The following ITIH5 variants were observed in gnomAD, a reference collection of about 807,000 sequenced individuals.
ITIH5 encodes inter-alpha-trypsin inhibitor heavy chain H5.
A neutral mutation model predicts 77.5 loss-of-function variants in ITIH5; 65 were observed. The ratio of observed to expected loss-of-function variants is 0.84; its 90% confidence interval spans 0.69 to 1.03. The LOEUF (loss-of-function observed/expected upper bound fraction) is 1.03. Ranked by LOEUF, ITIH5 falls within the 50% of genes least tolerant of loss-of-function variation. The probability of loss-of-function intolerance (pLI) is 0.00; values close to 1 mark genes in which losing one functional copy is unlikely to be tolerated. For synonymous variants in ITIH5, 525 were observed against 494.3 expected, an observed-to-expected ratio of 1.06 and a Z score of -0.82; for missense variants, 1,208 against 1,213.1, an observed-to-expected ratio of 1.00 and a Z score of 0.06.
chr10:7,648,882 T>C (rs186286048), intron 2 of ITIH5, among the ~76,000 whole-genome samples: 1 of 152,326 alleles, frequency 6.6e-6, no homozygotes, highest in Admixed American at 6.5e-5. Context: ...ATATGAAGCT[T>C]AGTTTATGGG....
chr10:7,572,480 T>A, intron 11 of ITIH5: 1 of 1,292,514 alleles, frequency 7.7e-7, no homozygotes, highest in Non-Finnish European at 1.0e-6. Context: ...ATGTTTATGA[T>A]AGCAGAGGCT....
intron 1 of ITIH5, among the ~76,000 whole-genome samples, chr10:7,658,342 A>T (rs541961953): frequency 1.2e-4 from 18 of 152,336 alleles, no homozygotes; most frequent in South Asian, 8.3e-4. Flanking sequence ...TTGCCATTCT[A>T]AGCCATTATA....
At position 7,630,051 on chromosome 10, in the gene ITIH5, A is replaced by C. The variant is rs75074640; in HGVS notation, c.652+7177T>G. On this transcript the variant is annotated intron_variant, in intron 5 of 13. Coordinates refer to ENST00000397146, the MANE Select transcript of ITIH5 (RefSeq NM_030569.7). ...AACTTAAACGTCTATAAGTAATTTA[A>C]AAATTTTAGTTATTTGTAAAGTTAA... Among the ~76,000 whole-genome samples the C allele has an allele frequency of 1.9e-3, 287 of 152,338 alleles. 6 individuals carry two copies. The East Asian group carries it at 0.054, about 29-fold the overall frequency.
rs1564273460 is a variant in ITIH5, at chr10:7,637,219, A to G, written c.652+9T>C. 1 of 1,604,072 alleles carries G rather than the reference A, an allele frequency of 6.2e-7. No individual in the cohort carries two copies. Among genetic ancestry groups the G allele is most frequent in the Middle Eastern group, 1.7e-4 (1 of 5,934 alleles). ...ACAGATCTGCACGAACCCAGCACGCAGGACTCACCTTCCCCGCGCCCACTG... is the reference window on the plus strand; with the variant it reads ...ACAGATCTGCACGAACCCAGCACGCGGGACTCACCTTCCCCGCGCCCACTG... On this transcript the variant is annotated intron_variant, in intron 5 of 13. Transcript: ENST00000397146.
intron 7 of ITIH5, among the ~76,000 whole-genome samples, chr10:7,615,721 CACTT>C (rs1833349950): frequency 6.6e-6 from 1 of 152,220 alleles, no homozygotes; most frequent in Admixed American, 6.5e-5. Flanking sequence ...ATTCCTGTCT[CACTT>C]ACATTATCCA....
chr10:7,643,983 G>A (rs1833928148), intron 2 of ITIH5, among the ~76,000 whole-genome samples: 2 of 152,216 alleles, frequency 1.3e-5, no homozygotes, highest in South Asian at 4.1e-4. Context: ...GCTCACACCT[G>A]TAGTCCCAGC....
intron 5 of ITIH5, among the ~76,000 whole-genome samples, chr10:7,633,891 C>T (rs1318285850): frequency 6.6e-6 from 1 of 151,770 alleles, no homozygotes; most frequent in Non-Finnish European, 1.5e-5. Flanking sequence ...AGATCGAGAC[C>T]ATCCTGGCTA....
chr10:7,666,722 C>A, intron 1 of ITIH5, 81 bp downstream of exon 1: 1 of 1,166,814 alleles, frequency 8.6e-7, no homozygotes, highest in Middle Eastern at 2.7e-4. Flanking sequence ...GAAGGGGGCC[C>A]GGGCAGAAGC....
rs191309405 is a variant in ITIH5 at position 7,600,715 on chromosome 10, C to T, written c.940-14646G>A. The stretch of plus-strand genomic sequence containing the variant: ...AAATTCAAAGGTTGAAATCCTAACA[C>T]CCAAGGTGATGGTCCCAGGAGATGG... On this transcript the variant is annotated intron_variant, in intron 7 of 13. Transcript: ENST00000397146. 976 of 391,922 alleles carry T rather than the reference C, an allele frequency of 2.5e-3. 4 individuals are homozygous for T. The highest frequency in any genetic ancestry group is 3.8e-3 in the Non-Finnish European group (749 of 197,036). The allele number at this position is 391,922 out of a possible 1,614,324, so 24.3% of individuals were successfully genotyped here. A position where few individuals can be genotyped will look rare whatever the true frequency, so the allele number is the denominator to read the frequency against.
At chr10:7,626,135 G>C (rs1171111625) in intron 5 of ITIH5, among the ~76,000 whole-genome samples, 1 of 152,184 alleles carries the variant, frequency 6.6e-6, no homozygotes, top group Non-Finnish European at 1.5e-5. Context: ...GCCCACCTCT[G>C]GTTCAGCCAC....
chr10:7,605,197 C>T (rs1588393058), intron 7 of ITIH5, among the ~76,000 whole-genome samples: 1 of 151,750 alleles, frequency 6.6e-6, no homozygotes, highest in African/African-American at 2.4e-5. Context: ...TTTAGAGACA[C>T]GCTTTCTCCT....
intron 7 of ITIH5, 48 bp from the exon 8 acceptor site, chr10:7,586,117 C>T: frequency 6.5e-7 from 1 of 1,532,168 alleles, no homozygotes; most frequent in Non-Finnish European, 8.8e-7. Flanking sequence ...CACATAAGTC[C>T]ACTTGTCCCC....
At chr10:7,595,965 G>A (rs576042766) in intron 7 of ITIH5, among the ~76,000 whole-genome samples, 116 of 152,252 alleles carry the variant, frequency 7.6e-4, no homozygotes, top group African/African-American at 2.6e-3. Context: ...CCGAGATCAC[G>A]CCACTGCATT....
chr10:7,563,558 AGGATTTATCCACATTGTG>A (rs1387617304), intron 13 of ITIH5, among the ~76,000 whole-genome samples, 174 bp from the exon 14 acceptor site: 4 of 152,228 alleles, frequency 2.6e-5, no homozygotes, highest in Non-Finnish European at 4.4e-5. Context: ...GAGAGAGCTG[AGGATTTATCCACATTGTG>A]GGATTTACCC....
At chr10:7,603,593 C>T (rs12250680) in intron 7 of ITIH5, among the ~76,000 whole-genome samples, 150,058 of 152,310 alleles carry the variant, frequency 0.99, 73,966 homozygotes, top group Middle Eastern at 1. Context: ...TTTTTGTTTG[C>T]TTGTTTTTCA....
At chr10:7,610,352 C>G (rs1833219809) in intron 7 of ITIH5, among the ~76,000 whole-genome samples, 1 of 152,172 alleles carries the variant, frequency 6.6e-6, no homozygotes, top group Non-Finnish European at 1.5e-5. Context: ...GCTTTGGGGG[C>G]TCCCCAGGTG....
intron 4 of ITIH5, among the ~76,000 whole-genome samples, chr10:7,639,704 C>T (rs938092624): frequency 5.3e-5 from 8 of 152,138 alleles, no homozygotes; most frequent in Non-Finnish European, 1.0e-4. Flanking sequence ...TCTTAGTGTA[C>T]TAGGTGGCTC....
chr10:7,571,962 T>C (rs776096920), intron 11 of ITIH5: 6 of 990,318 alleles, frequency 6.1e-6, no homozygotes, highest in Non-Finnish European at 6.0e-6. Flanking sequence ...TTCTGAGAGT[T>C]TCTATGTGCA....
At chr10:7,615,475 A>G (rs942005958) in intron 7 of ITIH5, among the ~76,000 whole-genome samples, 1 of 152,236 alleles carries the variant, frequency 6.6e-6, no homozygotes, top group African/African-American at 2.4e-5. Flanking sequence ...ATAAATAGTC[A>G]TATTTTCAGG....
Sources: allele counts gnomAD v4.1 joint callset (sites outside exome capture counted in the v4.1 genomes callset), GRCh38; gene constraint gnomAD v4.1.1; transcripts MANE v1.5; gene names NCBI Gene and HGNC (gene_info 2026-07-23, HGNC 2026-07-21).